The following SLC24A2 variants were observed in gnomAD, a reference collection of about 807,000 sequenced individuals.
SLC24A2 encodes sodium/potassium/calcium exchanger 2.
SLC24A2 carries 36 observed loss-of-function variants against 62.0 expected under a neutral mutation model. The ratio of observed to expected loss-of-function variants is 0.58; its 90% CI spans 0.44 to 0.77. SLC24A2 has a LOEUF of 0.77. Ranked by LOEUF, SLC24A2 falls within the 30% of genes least tolerant of loss-of-function variation. SLC24A2 has a pLI of 0.00. For missense variants in SLC24A2, 846 were observed against 817.9 expected (o/e 1.03, Z -0.42); for synonymous variants, 358 against 294.0 (o/e 1.22, Z -2.23).
chr9:19,846,695 T>C, the SLC24A2 span, among the ~76,000 whole-genome samples: 1 of 152,180 alleles, frequency 6.6e-6, no homozygotes, highest in Non-Finnish European at 1.5e-5. Flanking sequence ...TTTAAGTGTG[T>C]TCAGCAATTT....
chr9:19,591,153 C>A (rs956603238), intron 5 of SLC24A2, among the ~76,000 whole-genome samples: 1 of 152,088 alleles, frequency 6.6e-6, no homozygotes. Flanking sequence ...TTAAATAACA[C>A]GCATATTTTA....
In SLC24A2 at chr9:19,525,386, CTTTACTTTTTT is replaced by C. The variant is rs1288206508; in HGVS notation, c.1569+2652_1569+2662del. Among the ~76,000 whole-genome samples, 33 of 47,200 alleles carry C rather than the reference CTTTACTTTTTT, an allele frequency of 7.0e-4. No individual in the cohort carries two copies. In the East Asian group the frequency reaches 0.01, roughly 14 times the overall value. The allele number at this position is 47,200 out of a possible 152,430, so 31.0% of individuals were successfully genotyped here. A position where few individuals can be genotyped will look rare whatever the true frequency, so the allele number is the denominator to read the frequency against. ...TCTGCAAGGTTTTTTTTTCCTATTT[CTTTACTTTTTT>C]TTTTTTTTTTTTTTTTTTTTTTAAA... On this transcript the variant is annotated intron_variant, in intron 9 of 10. Coordinates refer to ENST00000341998, the MANE Select transcript of SLC24A2 (RefSeq NM_020344.4).
At chr9:19,699,960 G>C (rs1425011957) in intron 2 of SLC24A2, among the ~76,000 whole-genome samples, 4 of 152,142 alleles carry the variant, frequency 2.6e-5, no homozygotes, top group Non-Finnish European at 4.4e-5. Flanking sequence ...CCATGACCCA[G>C]ATTTGTTTTG....
Position 19,779,401 on chromosome 9 carries a change from G to C in SLC24A2, c.930+6536C>G, listed in dbSNP as rs113786068. ...TCTTATAAAGGAGCAATGTTTACAT[G>C]GATGGTAGTCTTTCAACAGCAAAAA... On this transcript the variant is annotated intron_variant, in intron 2 of 10. Transcript: ENST00000341998. Among the ~76,000 whole-genome samples, 435 of 152,318 alleles carry C rather than the reference G, an allele frequency of 2.9e-3. 1 individual carries two copies. The highest frequency in any genetic ancestry group is 0.01 in the African/African-American group (417 of 41,574).
In SLC24A2 at chr9:19,606,094, C is replaced by T. The variant is rs145851678; in HGVS notation, c.1079-8815G>A. The stretch of plus-strand genomic sequence containing the variant: ...TCAGGTCTTCATGGTGTAATCCTCA[C>T]TAGCATTGACAAGATGGGGTTTAGC... On this transcript the variant is annotated intron_variant, in intron 4 of 10. Transcript: ENST00000341998. Among the ~76,000 whole-genome samples the T allele has an allele frequency of 3.2e-3, 494 of 152,280 alleles. 6 individuals carry two copies. Among genetic ancestry groups the T allele is most frequent in the African/African-American group, 0.01 (426 of 41,544 alleles).
chr9:20,160,484 A>G, the SLC24A2 span, among the ~76,000 whole-genome samples: 8 of 151,402 alleles, frequency 5.3e-5, no homozygotes, highest in Admixed American at 5.3e-4. Flanking sequence ...TAGAAAATAT[A>G]CCTTCTTCTC....
chr9:19,745,596 C>A (rs563197357), intron 2 of SLC24A2, among the ~76,000 whole-genome samples: 1 of 152,088 alleles, frequency 6.6e-6, no homozygotes, highest in African/African-American at 2.4e-5. Context: ...AGAACCACTG[C>A]CTTAAAATAT....
Position 19,769,288 on chromosome 9 carries a change from G to A in SLC24A2, c.930+16649C>T, listed in dbSNP as rs567929596. On this transcript the variant is annotated intron_variant, in intron 2 of 10. Transcript: ENST00000341998. Reference sequence around the variant, plus strand: ...GTCGTTAGCTCTACCTTCAAGATACGTCCAGCATTTGATCACTTCTCACTG... The same window carrying A: ...GTCGTTAGCTCTACCTTCAAGATACATCCAGCATTTGATCACTTCTCACTG... Among the ~76,000 whole-genome samples the A allele has an allele frequency of 2.6e-5, 4 of 152,086 alleles. No individual in the cohort carries two copies. In the South Asian group the frequency reaches 8.3e-4, roughly 32 times the overall value.
At chr9:19,582,850 C>T (rs759701068) in intron 5 of SLC24A2, among the ~76,000 whole-genome samples, 1 of 152,112 alleles carries the variant, frequency 6.6e-6, no homozygotes, top group Non-Finnish European at 1.5e-5. Flanking sequence ...AATCTGGTGT[C>T]TCTATTTTTA....
In SLC24A2 at chr9:19,627,869, T is replaced by C. The variant is rs906474713; in HGVS notation, c.931-5570A>G. On this transcript the variant is annotated intron_variant, in intron 2 of 10. Coordinates refer to ENST00000341998, the MANE Select transcript of SLC24A2 (RefSeq NM_020344.4). ...TGTATCTATGTGCTACTGGCAACCA[T>C]TGTAAAAACATGGACTAATTTATTC... Among the ~76,000 whole-genome samples the C allele has an allele frequency of 1.1e-4, 16 of 152,170 alleles. 1 individual carries two copies. Among genetic ancestry groups the C allele is most frequent in the Non-Finnish European group, 1.9e-4 (13 of 68,034 alleles).
intron 8 of SLC24A2, among the ~76,000 whole-genome samples, chr9:19,546,724 C>A (rs1834594587): frequency 6.7e-6 from 1 of 150,260 alleles, no homozygotes; most frequent in Admixed American, 6.6e-5. Flanking sequence ...TCTGGCACCA[C>A]TGAGGTATGG....
At chr9:19,721,762 A>G (rs895359599) in intron 2 of SLC24A2, among the ~76,000 whole-genome samples, 1 of 152,132 alleles carries the variant, frequency 6.6e-6, no homozygotes, top group East Asian at 1.9e-4. Flanking sequence ...AACAGCCTTC[A>G]TTTTGAGAAT....
chr9:20,267,546 C>G, the SLC24A2 span, among the ~76,000 whole-genome samples: 1 of 152,102 alleles, frequency 6.6e-6, no homozygotes, highest in African/African-American at 2.4e-5. Context: ...TTTAACACAG[C>G]CTAGAATAGG....
chr9:20,273,908 A>G, the SLC24A2 span, among the ~76,000 whole-genome samples: 1 of 152,216 alleles, frequency 6.6e-6, no homozygotes, highest in Non-Finnish European at 1.5e-5. Context: ...CATGTTAGAT[A>G]CAATTTAAAT....
chr9:20,109,445 A>C, the SLC24A2 span, among the ~76,000 whole-genome samples: 42 of 152,202 alleles, frequency 2.8e-4, no homozygotes, highest in African/African-American at 1.0e-3. Flanking sequence ...CAAATGGCTT[A>C]TGCCGAATAC....
intron 2 of SLC24A2, among the ~76,000 whole-genome samples, chr9:19,700,291 C>T (rs1013125530): frequency 2.6e-5 from 4 of 152,070 alleles, no homozygotes; most frequent in Non-Finnish European, 4.4e-5. Flanking sequence ...AACTAAACAC[C>T]TTTTGCAGGA....
the SLC24A2 span, among the ~76,000 whole-genome samples, chr9:20,004,956 T>C: frequency 6.6e-6 from 1 of 152,192 alleles, no homozygotes. Context: ...AAGTATCTGA[T>C]ACTAAATAAG....
At chr9:19,534,196 C>G (rs7033086) in intron 8 of SLC24A2, among the ~76,000 whole-genome samples, 123,111 of 152,122 alleles carry the variant, frequency 0.81, 50,173 homozygotes, top group East Asian at 1. Context: ...CAATGTGGTA[C>G]AATGAAAATG....
chr9:19,758,536 AC>A (rs1822214975), intron 2 of SLC24A2, among the ~76,000 whole-genome samples: 2 of 152,190 alleles, frequency 1.3e-5, no homozygotes, highest in African/African-American at 4.8e-5. Flanking sequence ...ACTTAAACAA[AC>A]AAAAAAAACC....
Sources: gnomAD v4.1 joint callset for allele counts (sites outside exome capture counted in the v4.1 genomes callset) on GRCh38, gnomAD v4.1.1 for gene constraint, MANE v1.5 for transcripts, NCBI Gene and HGNC (gene_info 2026-07-23, HGNC 2026-07-21) for gene names.